Variants in LRP1B observed in about 807,000 individuals in gnomAD.
LRP1B encodes low-density lipoprotein receptor-related protein 1B.
LRP1B carries 217 observed loss-of-function variants against 556.6 expected under a neutral mutation model. The ratio of observed to expected loss-of-function variants is 0.39; its 90% CI spans 0.35 to 0.44. The LOEUF (loss-of-function observed/expected upper bound fraction) is 0.44, where lower values mean the gene tolerates loss of function less well. Ranked by LOEUF, LRP1B falls within the 20% of genes least tolerant of loss-of-function variation. The pLI is 1.00. For synonymous variants in LRP1B, 2,047 were observed against 1,865.8 expected, an observed-to-expected ratio of 1.10 and a Z score of -2.50; for missense variants, 5,053 against 5,620.8, an observed-to-expected ratio of 0.90 and a Z score of 3.23.
chr2:140,719,129 C>T (rs1251034534), intron 35 of LRP1B, among the ~76,000 whole-genome samples: 1 of 151,944 alleles, frequency 6.6e-6, no homozygotes, highest in Non-Finnish European at 1.5e-5. Context: ...GCTGTTTTAT[C>T]CCTGGTTATC....
At chr2:141,128,013 A>T (rs59609898) in intron 7 of LRP1B, among the ~76,000 whole-genome samples, 4,631 of 152,246 alleles carry the variant, frequency 0.03, 133 homozygotes, top group East Asian at 0.16. Context: ...TTTTAGAGAC[A>T]TGTTTTTGCT....
chr2:141,594,833 T>C (rs1687463732), intron 2 of LRP1B, among the ~76,000 whole-genome samples: 1 of 152,132 alleles, frequency 6.6e-6, no homozygotes, highest in Admixed American at 6.6e-5. Flanking sequence ...CACACACTCT[T>C]AAATATGAAC....
intron 2 of LRP1B, among the ~76,000 whole-genome samples, chr2:141,544,357 TCTTCTTCTTCTTCTTCTTCTTCTTCTC>T (rs1685449325): frequency 9.6e-6 from 1 of 104,556 alleles, no homozygotes; most frequent in African/African-American, 3.3e-5. Context: ...TTCTTCTTCT[TCTTCTTCTTCTTCTTCTTCTTCTTCTC>T]CTCCTCCTCC....
rs1393749668 is a variant in LRP1B at position 141,020,597 on chromosome 2, G to A, written c.1790-495C>T. 2.0e-5 allele frequency among the ~76,000 whole-genome samples: 3 copies of A among 151,926 alleles called. No individual in the cohort carries two copies. The East Asian group carries it at 5.8e-4, about 29-fold the overall frequency. On this transcript the variant is annotated intron_variant, in intron 11 of 90. Coordinates refer to ENST00000389484, the MANE Select transcript of LRP1B (RefSeq NM_018557.3). The stretch of plus-strand genomic sequence containing the variant: ...CCAAGGATGAACAGTTTCAGCAGGG[G>A]CACAAGTATGAAAGCCCAGGACAGG...
chr2:141,206,201 A>C (rs1682271072), intron 6 of LRP1B, among the ~76,000 whole-genome samples: 2 of 152,244 alleles, frequency 1.3e-5, no homozygotes, highest in East Asian at 3.9e-4. Context: ...TGTTTTTAAG[A>C]TTCCCAAAAG....
At chr2:140,749,134 A>G (rs1688481495) in intron 35 of LRP1B, among the ~76,000 whole-genome samples, 1 of 151,884 alleles carries the variant, frequency 6.6e-6, no homozygotes, top group African/African-American at 2.4e-5. Flanking sequence ...CAAAAATACA[A>G]TATAAGAGAT....
At chr2:140,471,288 T>C (rs1687756453) in intron 60 of LRP1B, among the ~76,000 whole-genome samples, 1 of 152,130 alleles carries the variant, frequency 6.6e-6, no homozygotes, top group Non-Finnish European at 1.5e-5. Context: ...AAGGGCATAA[T>C]ATAGAATGTT....
At chr2:140,546,912 T>C (rs971854299) in intron 43 of LRP1B, among the ~76,000 whole-genome samples, 2 of 152,130 alleles carry the variant, frequency 1.3e-5, no homozygotes, top group Non-Finnish European at 2.9e-5. Context: ...GAGATAATCA[T>C]GTGTTTTTTT....
intron 2 of LRP1B, among the ~76,000 whole-genome samples, chr2:141,684,787 T>C (rs1691235408): frequency 6.6e-6 from 1 of 152,008 alleles, no homozygotes; most frequent in Non-Finnish European, 1.5e-5. Context: ...CAAGAGATTC[T>C]TAAGCATGTT....
In LRP1B at chr2:141,276,294, C is replaced by CTTT. The variant is rs58497853; in HGVS notation, c.344-21656_344-21654dup. On this transcript the variant is annotated intron_variant, in intron 3 of 90. Coordinates refer to ENST00000389484, the MANE Select transcript of LRP1B (RefSeq NM_018557.3). ...TTATTCTTTGGCTTGATAATTTTTACTTTTTTTTTTAGCTTTTAGTTTTAG... is the reference window on the plus strand; with the variant it reads ...TTATTCTTTGGCTTGATAATTTTTACTTTTTTTTTTTTTAGCTTTTAGTTTTAG... Among the ~76,000 whole-genome samples the CTTT allele has an allele frequency of 4.2e-3, 635 of 149,496 alleles. 5 individuals are homozygous for CTTT. The highest frequency in any genetic ancestry group is 6.2e-3 in the Non-Finnish European group (417 of 67,266).
At chr2:141,601,171 T>A (rs751004784) in intron 2 of LRP1B, among the ~76,000 whole-genome samples, 1 of 151,540 alleles carries the variant, frequency 6.6e-6, no homozygotes, top group Non-Finnish European at 1.5e-5. Context: ...TTAAAATAGA[T>A]CCTAAACATA....
intron 9 of LRP1B, among the ~76,000 whole-genome samples, chr2:141,057,289 C>T (rs947607216): frequency 6.6e-6 from 1 of 151,882 alleles, no homozygotes; most frequent in Admixed American, 6.6e-5. Context: ...TTATGGTCCT[C>T]CTTTGTTTCT....
chr2:140,289,070 C>G (rs1383785388), intron 84 of LRP1B, among the ~76,000 whole-genome samples: 1 of 151,854 alleles, frequency 6.6e-6, no homozygotes, highest in African/African-American at 2.4e-5. Context: ...ATTAAGCATT[C>G]TTAAAATTTT....
chr2:140,902,247 A>G (rs931754707), intron 23 of LRP1B, among the ~76,000 whole-genome samples: 2 of 152,154 alleles, frequency 1.3e-5, no homozygotes, highest in Non-Finnish European at 2.9e-5. Context: ...GGGAAGCGAT[A>G]CTTCTTTAAA....
At chr2:141,143,204 C>T (rs1483265857) in intron 7 of LRP1B, among the ~76,000 whole-genome samples, 2 of 152,146 alleles carry the variant, frequency 1.3e-5, no homozygotes, top group African/African-American at 2.4e-5. Context: ...GTTGGGATTA[C>T]AGGCGTGAGC....
intron 2 of LRP1B, among the ~76,000 whole-genome samples, chr2:141,694,579 C>T (rs1431774665): frequency 6.7e-6 from 1 of 148,496 alleles, no homozygotes; most frequent in Non-Finnish European, 1.5e-5. Flanking sequence ...ATTCCTGTGT[C>T]CCCATGATTA....
At chr2:140,973,308 A>G (rs1294747990) in intron 18 of LRP1B, among the ~76,000 whole-genome samples, 1 of 151,912 alleles carries the variant, frequency 6.6e-6, no homozygotes, top group Non-Finnish European at 1.5e-5. Flanking sequence ...TTAAAGCTTC[A>G]AAAGTTAGGC....
chr2:140,329,133 C>T (rs959770717), intron 79 of LRP1B, among the ~76,000 whole-genome samples: 2 of 152,008 alleles, frequency 1.3e-5, no homozygotes, highest in East Asian at 1.9e-4. Context: ...GGAAAGTATC[C>T]TTGTCTGACA....
At position 140,700,497 on chromosome 2, in the gene LRP1B, C is replaced by T. The variant is rs375811485; in HGVS notation, c.6552G>A (p.Arg2184=). 7.4e-6 allele frequency: 12 copies of T among 1,613,330 alleles called. No homozygotes were observed. Among genetic ancestry groups the T allele is most frequent in the Admixed American group, 6.7e-5 (4 of 59,872 alleles). ...CTGAATACAGTAAATAGCCTTCATG[C>T]CTCAGGCAAGTAACTCCATCTTCTG... ...YLAEDGVTCL[R]HEGYLLYSGR... Residue 2184 remains arginine (R), a synonymous_variant, in exon 41 of 91, where the codon AGG becomes AGA. Coordinates refer to ENST00000389484, the MANE Select transcript of LRP1B (RefSeq NM_018557.3).
Sources: allele counts gnomAD v4.1 joint callset (sites outside exome capture counted in the v4.1 genomes callset), GRCh38; gene constraint gnomAD v4.1.1; transcripts MANE v1.5; gene names NCBI Gene and HGNC (gene_info 2026-07-23, HGNC 2026-07-21).